RADIL: variants seen among roughly 807,000 people sequenced by gnomAD.
RADIL encodes the protein ras-associating and dilute domain-containing protein.
RADIL carries 99 observed loss-of-function variants against 97.6 expected under a neutral mutation model. The ratio of observed to expected loss-of-function variants is 1.01; its 90% CI spans 0.86 to 1.20. The LOEUF is 1.20. Ranked by LOEUF, RADIL falls within the 50% of genes most tolerant of loss-of-function variation. The pLI is 0.00. For missense variants in RADIL, 1,765 were observed against 1,498.9 expected (o/e 1.18, Z -2.93); for synonymous variants, 803 against 691.8 (o/e 1.16, Z -2.52).
intron 9 of RADIL, among the ~76,000 whole-genome samples, chr7:4,809,990 A>C (rs898572278): frequency 3.3e-5 from 5 of 151,750 alleles, no homozygotes; most frequent in African/African-American, 1.2e-4. Flanking sequence ...ATAGCTGCCT[A>C]ATTTTTGTAT....
rs1193989136 is a variant in RADIL at position 4,815,627 on chromosome 7, C to T, written c.1967-177G>A. On this transcript the variant is annotated intron_variant, in intron 8 of 14. Coordinates refer to ENST00000399583, the MANE Select transcript of RADIL (RefSeq NM_018059.5). The surrounding 1 kb of genome is among the most constrained non-coding windows in gnomAD (Gnocchi z 8.0). ...GGCAACTGACCAGCCTTGAACCCCT[C>T]TCTGGAGCGGGGGTACGGTGGGAGG... Among the ~76,000 whole-genome samples, 1 of 152,206 alleles carries T rather than the reference C, an allele frequency of 6.6e-6. No homozygotes were observed. Among genetic ancestry groups the T allele is most frequent in the Non-Finnish European group, 1.5e-5 (1 of 68,024 alleles).
chr7:4,836,265 T>C, intron 3 of RADIL, 93 bp downstream of exon 3: 1 of 1,524,322 alleles, frequency 6.6e-7, no homozygotes, highest in Non-Finnish European at 8.8e-7. Flanking sequence ...CGCGGCCGAC[T>C]GGGCTAAAGG....
At chr7:4,800,030 C>T (rs1358761532) in intron 13 of RADIL, 141 bp downstream of exon 13, 6 of 1,311,148 alleles carry the variant, frequency 4.6e-6, no homozygotes, top group South Asian at 1.5e-5. Context: ...GTTCCCCTCC[C>T]AGCTGCAGAG....
In RADIL at chr7:4,818,149, T is replaced by C. The variant is rs946719507; in HGVS notation, c.1616-798A>G. Among the ~76,000 whole-genome samples, 9 of 152,102 alleles carry C rather than the reference T, an allele frequency of 5.9e-5. No individual in the cohort carries two copies. Among genetic ancestry groups the C allele is most frequent in the South Asian group, 2.1e-4 (1 of 4,830 alleles). On this transcript the variant is annotated intron_variant, in intron 6 of 14. Coordinates refer to ENST00000399583, the MANE Select transcript of RADIL (RefSeq NM_018059.5). This position sits in a 1 kb window ranked among gnomAD's most constrained non-coding sequence, Gnocchi z 7.1. ...GCCACAGCTCCCCTCCTCTCCCTCC[T>C]GTGGGGCCTTCTTCCAGGAGGGGCA...
intron 2 of RADIL, chr7:4,861,743 ACGCCG>A: frequency 6.6e-7 from 1 of 1,507,744 alleles, no homozygotes; most frequent in Non-Finnish European, 8.8e-7. Context: ...AGGCGAGGAG[ACGCCG>A]TAGCGATTCG....
At chr7:4,860,677 A>T in intron 2 of RADIL, 1 of 1,614,202 alleles carries the variant, frequency 6.2e-7, no homozygotes, top group African/African-American at 1.3e-5. Flanking sequence ...CACTTGCCAG[A>T]AGTACAATAT....
At chr7:4,850,884 G>A (rs1783692507) in intron 2 of RADIL, among the ~76,000 whole-genome samples, 1 of 152,158 alleles carries the variant, frequency 6.6e-6, no homozygotes, top group African/African-American at 2.4e-5. Context: ...GTTTTAAGCT[G>A]CACTTGTAGT....
At position 4,835,025 on chromosome 7, in the gene RADIL, C is replaced by T. The variant is rs374870934; in HGVS notation, c.998G>A (p.Gly333Glu). Residue 333 changes from glycine to glutamate, a missense_variant, in exon 4 of 15, where the codon GGG (glycine) becomes GAG (glutamate). Transcript: ENST00000399583. The surrounding 1 kb of genome is among the most constrained non-coding windows in gnomAD (Gnocchi z 5.8). ...GTGGTGCAGCACCACGGTCCTGTGCCCCACCTCGGAGAAGTTGACGGAGAT... is the reference window on the plus strand; with the variant it reads ...GTGGTGCAGCACCACGGTCCTGTGCTCCACCTCGGAGAAGTTGACGGAGAT... ...AHISVNFSEV[G>E]HRTVVLHHGD... 59 of 1,610,980 alleles carry T rather than the reference C, an allele frequency of 3.7e-5. No homozygotes were observed. The highest frequency in any genetic ancestry group is 4.7e-5 in the Non-Finnish European group (56 of 1,179,178).
intron 4 of RADIL, among the ~76,000 whole-genome samples, chr7:4,833,909 G>A (rs1037383551): frequency 6.6e-6 from 1 of 152,146 alleles, no homozygotes; most frequent in Non-Finnish European, 1.5e-5. Flanking sequence ...TGCAGCCATG[G>A]GTGTATTGCG....
intron 9 of RADIL, among the ~76,000 whole-genome samples, chr7:4,811,704 G>C (rs1782554273): frequency 6.6e-6 from 1 of 151,706 alleles, no homozygotes; most frequent in African/African-American, 2.4e-5. Context: ...AGCTAGGATG[G>C]TCTCGATCTC....
intron 5 of RADIL, among the ~76,000 whole-genome samples, chr7:4,826,732 CAAAAA>C (rs56036708): frequency 1.2e-5 from 1 of 85,580 alleles, no homozygotes; most frequent in Non-Finnish European, 2.6e-5. Flanking sequence ...GACTCCGTCT[CAAAAA>C]AAAAAAACAA....
In RADIL at chr7:4,816,316, C is replaced by T. The variant is rs1037666486; in HGVS notation, c.1878G>A (p.Leu626=). 2.5e-6 allele frequency: 4 copies of T among 1,612,260 alleles called. No individual in the cohort carries two copies. In the African/African-American group the frequency reaches 4.0e-5, roughly 16 times the overall value. ...YQAALDLLRQ[L]QVHPEVASQM... is the part of the protein sequence containing the mutation. ...GCGAGGCCACCTCGGGGTGCACCTGCAGCTGCCGCAGGAGGTCCAGGGCTG... is the reference window on the plus strand; with the variant it reads ...GCGAGGCCACCTCGGGGTGCACCTGTAGCTGCCGCAGGAGGTCCAGGGCTG... Residue 626 remains leucine, a synonymous_variant, in exon 8 of 15, where the codon CTG becomes CTA. Transcript: ENST00000399583.
rs1248734275 is a variant in RADIL at position 4,798,278 on chromosome 7, G to C, written c.*1100C>G. ...CGGACGCGCTGCACCTCGCCGTAGC[G>C]CACACCAGGGGGCAGCGTGGAGCTG... On this transcript the variant is annotated 3_prime_UTR_variant, in exon 15 of 15. Transcript: ENST00000399583. 6.6e-6 allele frequency: 1 copy of C among 152,130 alleles called. No homozygotes were observed. The highest frequency in any genetic ancestry group is 2.4e-5 in the African/African-American group (1 of 41,424). 9.4% of individuals were successfully genotyped at this position (152,130 alleles called of 1,614,324 possible).
In RADIL at chr7:4,834,446, TG is replaced by T. The variant is rs1351156254; in HGVS notation, c.1416+160del. Among the ~76,000 whole-genome samples the T allele has an allele frequency of 6.6e-6, 1 of 152,002 alleles. No homozygotes were observed. The highest frequency in any genetic ancestry group is 1.5e-5 in the Non-Finnish European group (1 of 67,960). On this transcript the variant is annotated intron_variant, in intron 4 of 14. Transcript: ENST00000399583. The surrounding 1 kb of genome is among the most constrained non-coding windows in gnomAD (Gnocchi z 6.0). ...GGCTGCTTCTGGTGGCCTGTGGGGC[TG>T]GGGGGCAGCGACAGGCAGGGAAAGG...
chr7:4,878,350 C>G lies in RADIL; in HGVS notation c.-64-147G>C. 1 of 606,392 alleles carries G rather than the reference C, an allele frequency of 1.6e-6. No individual in the cohort carries two copies. The highest frequency in any genetic ancestry group is 2.9e-6 in the Non-Finnish European group (1 of 350,444). The allele number at this position is 606,392 out of a possible 1,614,324, so 37.6% of individuals were successfully genotyped here. ...CTTGAGCCCGGGAGTTCCAGACCAG[C>G]CTGGGAAACATAGTAAGGCCCCGGC... On this transcript the variant is annotated intron_variant, in intron 1 of 14. Coordinates refer to ENST00000399583, the MANE Select transcript of RADIL (RefSeq NM_018059.5). This position sits in a 1 kb window ranked among gnomAD's most constrained non-coding sequence, Gnocchi z 4.1.
intron 1 of RADIL, among the ~76,000 whole-genome samples, chr7:4,881,222 T>C (rs1784478457): frequency 7.0e-6 from 1 of 142,358 alleles, no homozygotes; most frequent in Non-Finnish European, 1.5e-5. Flanking sequence ...GAGACCATCC[T>C]GGCTAACACT....
In RADIL at chr7:4,878,273, G is replaced by C. The variant is rs150244718; in HGVS notation, c.-64-70C>G. 4.6e-5 allele frequency: 47 copies of C among 1,024,200 alleles called. No homozygotes were observed. In the East Asian group the frequency reaches 1.2e-3, roughly 27 times the overall value. The allele number at this position is 1,024,200 out of a possible 1,614,324, so 63.4% of individuals were successfully genotyped here. A position where few individuals can be genotyped will look rare whatever the true frequency, so the allele number is the denominator to read the frequency against. Reference sequence around the variant, plus strand: ...CCAAGAGCAAATGAGGCCACAGGCGGTGACTCCTGCCCGTCATCCCAGCGC... The same window carrying C: ...CCAAGAGCAAATGAGGCCACAGGCGCTGACTCCTGCCCGTCATCCCAGCGC... On this transcript the variant is annotated intron_variant, in intron 1 of 14. Transcript: ENST00000399583. This position sits in a 1 kb window ranked among gnomAD's most constrained non-coding sequence, Gnocchi z 4.1.
At chr7:4,858,323 G>C (rs1783885794) in intron 2 of RADIL, 1 of 152,170 alleles carries the variant, frequency 6.6e-6, no homozygotes, top group Non-Finnish European at 1.5e-5. Flanking sequence ...TGTTAAGTTT[G>C]CTGTCTAGAT....
At position 4,836,414 on chromosome 7, in the gene RADIL, A is replaced by G. The variant is rs768260911; in HGVS notation, c.727T>C (p.Tyr243His). 6.3e-7 allele frequency: 1 copy of G among 1,583,412 alleles called. No homozygotes were observed. ...PEEPGPDAMR[Y>H]SLYQSPHLLL... Reference sequence around the variant, plus strand: ...AGATGCGGGGACTGGTACAGCGAGTACCGCATGGCGTCGGGGCCGGGCTCC... The same window carrying G: ...AGATGCGGGGACTGGTACAGCGAGTGCCGCATGGCGTCGGGGCCGGGCTCC... The change falls in exon 3 of 15, where the codon TAC (tyrosine) becomes CAC (histidine). Residue 243 changes from tyrosine (Y) to histidine (H), a missense_variant. Coordinates refer to ENST00000399583, the MANE Select transcript of RADIL (RefSeq NM_018059.5).
Sources: allele counts gnomAD v4.1 joint callset (sites outside exome capture counted in the v4.1 genomes callset), GRCh38; gene constraint gnomAD v4.1.1; non-coding constraint Gnocchi (gnomAD v3.1); transcripts MANE v1.5; gene names NCBI Gene and HGNC (gene_info 2026-07-23, HGNC 2026-07-21).